The following NEK7 variants were observed in gnomAD, a reference collection of about 807,000 sequenced individuals.
The protein encoded by NEK7 is NIMA related kinase 7.
Under a neutral mutation model 44.6 loss-of-function variants are expected in NEK7, and 18 were observed. That is an observed-to-expected ratio of 0.40 (90% CI 0.28 to 0.60). The LOEUF (loss-of-function observed/expected upper bound fraction) is 0.60, where lower values mean the gene tolerates loss of function less well. Ranked by LOEUF, NEK7 falls within the 20% of genes least tolerant of loss-of-function variation. The probability of loss-of-function intolerance (pLI) is 0.38; values close to 1 mark genes in which losing one functional copy is unlikely to be tolerated. For missense variants in NEK7, 256 were observed against 366.5 expected, an observed-to-expected ratio of 0.70 and a Z score of 2.46; for synonymous variants, 130 against 121.1, an observed-to-expected ratio of 1.07 and a Z score of -0.48.
At chr1:198,307,669 C>T (rs12093069) in intron 9 of NEK7, among the ~76,000 whole-genome samples, 38,483 of 151,992 alleles carry the variant, frequency 0.25, 5,478 homozygotes, top group East Asian at 0.62. Context: ...CTTACCACTG[C>T]GTTCACTGAA....
At chr1:198,200,560 T>A (rs1665400207) in intron 1 of NEK7, among the ~76,000 whole-genome samples, 1 of 151,602 alleles carries the variant, frequency 6.6e-6, no homozygotes, top group Non-Finnish European at 1.5e-5. Flanking sequence ...TTCTTTTTTT[T>A]TTTTTTTGGA....
intron 6 of NEK7, among the ~76,000 whole-genome samples, chr1:198,278,435 G>A (rs927499782): frequency 6.7e-6 from 1 of 149,824 alleles, no homozygotes; most frequent in Non-Finnish European, 1.5e-5. Flanking sequence ...AAGTGGTTGA[G>A]CAGAGTGTGT....
chr1:198,309,682 G>C (rs1305908443), intron 9 of NEK7, among the ~76,000 whole-genome samples: 1 of 151,454 alleles, frequency 6.6e-6, no homozygotes, highest in Non-Finnish European at 1.5e-5. Flanking sequence ...CTATGAGTGA[G>C]AATATGCGGT....
chr1:198,283,765 T>G (rs1052343904), intron 7 of NEK7, among the ~76,000 whole-genome samples: 3 of 152,118 alleles, frequency 2.0e-5, no homozygotes, highest in African/African-American at 7.2e-5. Flanking sequence ...GCTTTCAAAT[T>G]TCTTGACAAT....
chr1:198,285,176 C>T (rs1282667012), intron 7 of NEK7, among the ~76,000 whole-genome samples: 1 of 151,868 alleles, frequency 6.6e-6, no homozygotes, highest in Admixed American at 6.6e-5. Flanking sequence ...TCTCTCCCAG[C>T]GAAATGTAAG....
chr1:198,262,499 G>A (rs958786403), intron 3 of NEK7, 76 bp from the exon 4 acceptor site: 3 of 880,390 alleles, frequency 3.4e-6, no homozygotes, highest in Non-Finnish European at 3.6e-6. Flanking sequence ...TACATGTAGA[G>A]TATTAAAATG....
At chr1:198,160,909 G>A (rs901757113) in intron 1 of NEK7, among the ~76,000 whole-genome samples, 10 of 152,034 alleles carry the variant, frequency 6.6e-5, no homozygotes, top group African/African-American at 2.2e-4. Context: ...TTTTTATTCT[G>A]AAGAAAACAC....
At chr1:198,172,243 C>T (rs1664472678) in intron 1 of NEK7, among the ~76,000 whole-genome samples, 2 of 152,154 alleles carry the variant, frequency 1.3e-5, no homozygotes, top group Admixed American at 6.5e-5. Context: ...TCTCCCTCCC[C>T]TTCTCTCTGA....
intron 1 of NEK7, among the ~76,000 whole-genome samples, chr1:198,219,818 A>G (rs1426371241): frequency 6.6e-6 from 1 of 151,882 alleles, no homozygotes; most frequent in African/African-American, 2.4e-5. Context: ...ACATATCTGC[A>G]TGTCCCATTA....
intron 1 of NEK7, among the ~76,000 whole-genome samples, chr1:198,174,046 G>T (rs1351642170): frequency 6.6e-6 from 1 of 152,164 alleles, no homozygotes; most frequent in Non-Finnish European, 1.5e-5. Flanking sequence ...GATAGTGCAG[G>T]TCAGAATTGA....
intron 3 of NEK7, chr1:198,256,322 C>G: frequency 5.6e-6 from 9 of 1,598,876 alleles, no homozygotes; most frequent in Non-Finnish European, 7.7e-6. Context: ...GGCCATTTTC[C>G]TGCAGGTTTG....
intron 2 of NEK7, among the ~76,000 whole-genome samples, chr1:198,233,674 G>A (rs1407737581): frequency 6.6e-6 from 1 of 151,244 alleles, no homozygotes. Context: ...CTACACTAGT[G>A]TGCATTGTGA....
chr1:198,169,865 T>C (rs1017001612), intron 1 of NEK7, among the ~76,000 whole-genome samples: 5 of 152,234 alleles, frequency 3.3e-5, no homozygotes, highest in African/African-American at 1.2e-4. Flanking sequence ...GTGAATCATG[T>C]CCTGTACAGA....
intron 5 of NEK7, among the ~76,000 whole-genome samples, chr1:198,265,930 T>C (rs1653639205): frequency 6.6e-6 from 1 of 152,144 alleles, no homozygotes; most frequent in African/African-American, 2.4e-5. Context: ...TTAACCATCA[T>C]AATAAAACTA....
chr1:198,202,434 G>C (rs1665459208), intron 1 of NEK7, among the ~76,000 whole-genome samples: 2 of 152,180 alleles, frequency 1.3e-5, no homozygotes. Flanking sequence ...AATGATTGTA[G>C]CACCTCTAAT....
intron 3 of NEK7, among the ~76,000 whole-genome samples, chr1:198,260,987 T>C (rs994867486): frequency 6.6e-6 from 1 of 152,092 alleles, no homozygotes; most frequent in African/African-American, 2.4e-5. Context: ...ATTAGAACTT[T>C]GTGTATCTTT....
chr1:198,219,506 G>A (rs1666025655), intron 1 of NEK7, among the ~76,000 whole-genome samples: 1 of 146,368 alleles, frequency 6.8e-6, no homozygotes, highest in Admixed American at 6.8e-5. Flanking sequence ...TAAACTATGG[G>A]TACATAAAGG....
At chr1:198,213,535 A>C (rs929757680) in intron 1 of NEK7, among the ~76,000 whole-genome samples, 1 of 152,136 alleles carries the variant, frequency 6.6e-6, no homozygotes, top group African/African-American at 2.4e-5. Flanking sequence ...CTATCCTCAG[A>C]GGAGGAGCAC....
At chr1:198,163,282 C>A (rs1044643838) in intron 1 of NEK7, among the ~76,000 whole-genome samples, 1 of 151,976 alleles carries the variant, frequency 6.6e-6, no homozygotes, top group Non-Finnish European at 1.5e-5. Flanking sequence ...TGCTTGAGAC[C>A]TGGAGTTCAA....
Sources: gnomAD v4.1 joint callset for allele counts (sites outside exome capture counted in the v4.1 genomes callset) on GRCh38, gnomAD v4.1.1 for gene constraint, MANE v1.5 for transcripts, NCBI Gene and HGNC (gene_info 2026-07-23, HGNC 2026-07-21) for gene names.